ANXA8: variants seen among roughly 807,000 people sequenced by gnomAD.
ANXA8 encodes the protein annexin A8, also known as VAC-beta.
In ANXA8, 9 loss-of-function variants were observed where a neutral mutation model predicts 26.8. That is an observed-to-expected ratio of 0.34 (90% CI 0.20 to 0.59). The LOEUF is 0.59. Among genes scored for constraint, ANXA8 ranks in the 20% least tolerant of loss-of-function variants. ANXA8 has a pLI of 0.84. For missense variants in ANXA8, 83 were observed against 238.5 expected (o/e 0.35, Z 4.29); for synonymous variants, 39 against 94.8 (o/e 0.41, Z 3.42).
the ANXA8 span, among the ~76,000 whole-genome samples, chr10:47,525,667 G>A: frequency 7.4e-6 from 1 of 134,770 alleles, no homozygotes; most frequent in South Asian, 2.4e-4. Context: ...ATTTTGAGAC[G>A]AAGTTTTGCT....
the ANXA8 span, among the ~76,000 whole-genome samples, chr10:47,955,273 CTTTTT>C: frequency 7.0e-6 from 1 of 143,618 alleles, no homozygotes; most frequent in African/African-American, 2.6e-5. Context: ...TCCATTAAAT[CTTTTT>C]TTTTTTTTTT....
the ANXA8 span, among the ~76,000 whole-genome samples, chr10:47,712,810 TGA>T: frequency 3.8e-5 from 4 of 106,088 alleles, no homozygotes; most frequent in African/African-American, 3.9e-5. Flanking sequence ...TTTGTTTGTT[TGA>T]GACAGAGTTT....
the ANXA8 span, among the ~76,000 whole-genome samples, chr10:47,549,140 CTAA>C: frequency 1.3e-5 from 2 of 151,692 alleles, no homozygotes; most frequent in South Asian, 2.1e-4. Context: ...ACATTTATTA[CTAA>C]TATTATTATC....
chr10:47,707,076 A>C, the ANXA8 span, among the ~76,000 whole-genome samples: 11,757 of 132,382 alleles, frequency 0.089, 95 homozygotes, highest in African/African-American at 0.12. Context: ...AATGATGCAT[A>C]TTGTTACACT....
At chr10:47,763,719 C>T in the ANXA8 span, 1 of 150,796 alleles carries the variant, frequency 6.6e-6, no homozygotes. Context: ...GGTTCCCCCG[C>T]CGAGGCCTCG....
chr10:47,491,659 C>T, the ANXA8 span: 8 of 1,539,704 alleles, frequency 5.2e-6, no homozygotes, highest in East Asian at 1.2e-4. Flanking sequence ...GCCAGCTTCC[C>T]CAGGCCTCCC....
At chr10:47,707,852 A>C in the ANXA8 span, among the ~76,000 whole-genome samples, 22 of 135,220 alleles carry the variant, frequency 1.6e-4, no homozygotes, top group African/African-American at 5.5e-4. Context: ...GATTTGACCC[A>C]GCAATCCCAT....
At chr10:47,733,933 T>C in the ANXA8 span, among the ~76,000 whole-genome samples, 1 of 152,312 alleles carries the variant, frequency 6.6e-6, no homozygotes, top group Non-Finnish European at 1.5e-5. Context: ...TCATCAGCTT[T>C]ACAGTTTTTG....
the ANXA8 span, among the ~76,000 whole-genome samples, chr10:47,686,515 TG>T: frequency 1.3e-5 from 2 of 151,944 alleles, no homozygotes; most frequent in Non-Finnish European, 2.9e-5. Flanking sequence ...CCTGGCCTCC[TG>T]TCACTTTTTA....
At chr10:47,543,817 C>A in the ANXA8 span, among the ~76,000 whole-genome samples, 258 of 140,296 alleles carry the variant, frequency 1.8e-3, 2 homozygotes, top group African/African-American at 5.8e-3. Flanking sequence ...CACCATCCAG[C>A]AGAGGAAAAG....
At chr10:47,487,125 G>T, upstream of ANXA8, 4 of 1,401,978 alleles carry the variant, frequency 2.9e-6, no homozygotes, top group Non-Finnish European at 3.8e-6. Flanking sequence ...AAATACTTAA[G>T]TGTACACCAT....
chr10:47,530,414 G>A, the ANXA8 span, among the ~76,000 whole-genome samples: 6 of 149,362 alleles, frequency 4.0e-5, no homozygotes, highest in Admixed American at 3.3e-4. Context: ...CAGGCCAGGC[G>A]CGGTGGCTCA....
At chr10:47,559,029 C>G in the ANXA8 span, among the ~76,000 whole-genome samples, 1 of 151,506 alleles carries the variant, frequency 6.6e-6, no homozygotes, top group Non-Finnish European at 1.5e-5. Context: ...TAAGCTTTCC[C>G]TGCCTTTCAG....
At chr10:47,611,951 G>A in the ANXA8 span, among the ~76,000 whole-genome samples, 2 of 73,992 alleles carry the variant, frequency 2.7e-5, 1 homozygote, top group Non-Finnish European at 6.9e-5. Flanking sequence ...GGAGAGAGAA[G>A]GGCAAGATGG....
At chr10:47,496,989 T>TG in the ANXA8 span, among the ~76,000 whole-genome samples, 1 of 148,240 alleles carries the variant, frequency 6.7e-6, no homozygotes, top group African/African-American at 2.5e-5. Context: ...GAGAAATACT[T>TG]GGAGACTATG....
the ANXA8 span, among the ~76,000 whole-genome samples, chr10:47,630,494 GA>G: frequency 1.3e-5 from 2 of 149,184 alleles, no homozygotes; most frequent in East Asian, 1.9e-4. Context: ...TTTCAACTAA[GA>G]AAAAAGTAAA....
At chr10:47,484,993 C>T (rs1425921820), upstream of ANXA8, among the ~76,000 whole-genome samples, 4 of 147,428 alleles carry the variant, frequency 2.7e-5, no homozygotes, top group East Asian at 9.1e-4. Context: ...CCGCTGCAAA[C>T]CTGGCCGCCG....
the ANXA8 span, among the ~76,000 whole-genome samples, chr10:47,640,099 C>T: frequency 7.4e-6 from 1 of 134,364 alleles, no homozygotes; most frequent in Non-Finnish European, 1.5e-5. Context: ...GCTGAGAAGG[C>T]TTTTTATTAT....
At chr10:47,496,971 G>GT in the ANXA8 span, among the ~76,000 whole-genome samples, 3 of 144,872 alleles carry the variant, frequency 2.1e-5, no homozygotes, top group Admixed American at 6.9e-5. Context: ...TAGGGGGAAA[G>GT]ATCTTAGGAG....
Sources: allele counts gnomAD v4.1 joint callset (sites outside exome capture counted in the v4.1 genomes callset), GRCh38; gene constraint gnomAD v4.1.1; transcripts MANE v1.5; gene names NCBI Gene and HGNC (gene_info 2026-07-23, HGNC 2026-07-21).